The following MADD variants were observed in gnomAD, a reference collection of about 807,000 sequenced individuals.
The protein encoded by MADD is MAP kinase activating death domain.
Under a neutral mutation model 176.7 loss-of-function variants are expected in MADD, and 109 were observed. The ratio of observed to expected loss-of-function variants is 0.62; its 90% confidence interval spans 0.53 to 0.72. The LOEUF is 0.72. Ranked by LOEUF, MADD falls within the 30% of genes least tolerant of loss-of-function variation. MADD has a pLI of 0.00. For synonymous variants in MADD, 771 were observed against 771.3 expected (o/e 1.00, Z 0.01); for missense variants, 1,914 against 2,045.5 (o/e 0.94, Z 1.24).
At chr11:47,324,126 A>G (rs562253977) in intron 28 of MADD, 139 bp from the exon 32 acceptor site, 64 of 731,194 alleles carry the variant, frequency 8.8e-5, no homozygotes, top group Admixed American at 7.2e-4. Context: ...AACAATGAAT[A>G]AGACATCCGA....
At chr11:47,299,276 A>C (rs1320467024) in intron 22 of MADD, among the ~76,000 whole-genome samples, 1 of 152,042 alleles carries the variant, frequency 6.6e-6, no homozygotes, top group Admixed American at 6.6e-5. Context: ...TCATTTTCAC[A>C]ATATTCGTCC....
chr11:47,279,217 A>G lies in MADD; in HGVS notation c.1290+138A>G. On this transcript the variant is annotated intron_variant, in intron 7 of 32. Transcript: ENST00000402192. ...CTTCACCCTGGATGGGCTTAAGAAA[A>G]CGCGTATCCCATTTCTGGGTGGCAG... 3 of 711,360 alleles carry G rather than the reference A, an allele frequency of 4.2e-6. No individual in the cohort carries two copies. The South Asian group carries it at 5.2e-5, about 12-fold the overall frequency. 44.1% of individuals were successfully genotyped at this position (711,360 alleles called of 1,614,324 possible).
chr11:47,316,037 C>T (rs1049353454), intron 27 of MADD, among the ~76,000 whole-genome samples: 1 of 148,178 alleles, frequency 6.7e-6, no homozygotes, highest in African/African-American at 2.5e-5. Flanking sequence ...TCACCATGTT[C>T]GTTGGCCAGG....
intron 22 of MADD, among the ~76,000 whole-genome samples, chr11:47,305,981 C>G (rs1180076508): frequency 6.6e-6 from 1 of 152,162 alleles, no homozygotes; most frequent in Non-Finnish European, 1.5e-5. Context: ...TTCTGGGTGA[C>G]CCAGGCACAG....
intron 14 of MADD, 50 bp from the exon 15 acceptor site, chr11:47,286,383 T>G: frequency 8.1e-7 from 1 of 1,233,996 alleles, no homozygotes; most frequent in South Asian, 1.2e-5. Context: ...GTCTACTGCT[T>G]TGATTACTTA....
intron 3 of MADD, among the ~76,000 whole-genome samples, chr11:47,275,571 G>A (rs931851899): frequency 4.1e-4 from 62 of 152,236 alleles, no homozygotes; most frequent in African/African-American, 1.4e-3. Flanking sequence ...GATTATAGGC[G>A]TGAGCATCAT....
intron 22 of MADD, among the ~76,000 whole-genome samples, chr11:47,304,050 G>C (rs1183960868): frequency 6.6e-6 from 1 of 151,880 alleles, no homozygotes; most frequent in African/African-American, 2.4e-5. Flanking sequence ...TTCTCTCTTT[G>C]GAAATCCAAT....
In MADD at chr11:47,277,587, G is replaced by A. The variant is rs578238070; in HGVS notation, c.1096-578G>A. Among the ~76,000 whole-genome samples the A allele has an allele frequency of 1.1e-3, 171 of 152,320 alleles. 1 individual carries two copies. The highest frequency in any genetic ancestry group is 3.9e-3 in the African/African-American group (161 of 41,574). ...GCTGGGATTACAGGCATGAGCCACC[G>A]TGCCCAGCCTCTTTCTACATATATT... On this transcript the variant is annotated intron_variant, in intron 5 of 32. Coordinates refer to ENST00000402192, the Ensembl canonical transcript of MADD.
chr11:47,328,593 G>A (rs1595767926), intron 31 of MADD, 65 bp from the exon 36 acceptor site: 2 of 1,610,424 alleles, frequency 1.2e-6, no homozygotes, highest in East Asian at 4.5e-5. Context: ...GCCGCCTGGG[G>A]GAGCATGGCA....
chr11:47,284,278 C>T, exon 11 of MADD: 1 of 1,613,764 alleles, frequency 6.2e-7, no homozygotes, highest in South Asian at 1.1e-5. Flanking sequence ...TGGTGATACT[C>T]CCAGTAAGTG....
Position 47,274,620 on chromosome 11 carries a change from G to GGA in MADD, c.122_123dup (p.Asp42ArgfsTer12), listed in dbSNP as rs778614474. The GGA allele has an allele frequency of 6.8e-6, 11 of 1,614,094 alleles. No homozygotes were observed. On this transcript the variant is annotated frameshift_variant, in exon 3 of 33. Transcript: ENST00000402192. LOFTEE classifies it high-confidence loss of function. The stretch of plus-strand genomic sequence containing the variant: ...CTGAATTGCTACGGCGATACCCCTT[G>GGA]GAGGATCACACTGAGTTTCCCCTGC...
chr11:47,321,597 G>GT (rs2094487677), intron 27 of MADD, among the ~76,000 whole-genome samples: 1 of 152,192 alleles, frequency 6.6e-6, no homozygotes, highest in African/African-American at 2.4e-5. Flanking sequence ...GAAGCTCAGG[G>GT]GGGGCAGAAT....
At chr11:47,282,743 C>G (rs2057854861) in intron 9 of MADD, 70 bp from the exon 10 acceptor site, 2 of 1,597,274 alleles carry the variant, frequency 1.3e-6, no homozygotes, top group Admixed American at 3.4e-5. Context: ...TTTTTCCTGC[C>G]TTTCTTTCAG....
At chr11:47,313,828 C>T (rs555065087) in intron 26 of MADD, among the ~76,000 whole-genome samples, 3 of 151,706 alleles carry the variant, frequency 2.0e-5, no homozygotes, top group Non-Finnish European at 2.9e-5. Context: ...GGCGCGATCT[C>T]GGCTCACTAC....
At chr11:47,324,406 C>T (rs2095122764) in intron 29 of MADD, 65 bp from the exon 33 acceptor site, 12 of 1,599,768 alleles carry the variant, frequency 7.5e-6, no homozygotes, top group Non-Finnish European at 1.0e-5. Flanking sequence ...AGGGGCCTGG[C>T]AGGGAAGTCA....
In MADD at chr11:47,303,239, G is replaced by GTTTTT. The variant is rs35658298; in HGVS notation, c.3643-5336_3643-5332dup. 1.0e-4 allele frequency among the ~76,000 whole-genome samples: 11 copies of GTTTTT among 108,134 alleles called. 2 individuals are homozygous for GTTTTT. The highest frequency in any genetic ancestry group is 1.4e-4 in the Non-Finnish European group (8 of 56,000). 70.9% of individuals were successfully genotyped at this position (108,134 alleles called of 152,430 possible). ...TGTGACTTAACACTTTTCTCTTGCT[G>GTTTTT]TTTTTTTTTTTTTTTTTTTTGAGAC... On this transcript the variant is annotated intron_variant, in intron 22 of 32. Transcript: ENST00000402192.
chr11:47,275,018 C>T (rs777952251), exon 3 of MADD: 7 of 1,614,158 alleles, frequency 4.3e-6, no homozygotes, highest in Non-Finnish European at 5.9e-6. Context: ...CGCAACAGTA[C>T]TCTCACGTCC....
At chr11:47,270,402 AGGGGCG>A (rs1959365765) in intron 1 of MADD, among the ~76,000 whole-genome samples, 156 bp downstream of exon 1, 1 of 31,912 alleles carries the variant, frequency 3.1e-5, no homozygotes, top group Non-Finnish European at 6.8e-5. Flanking sequence ...TCTGCCGAGG[AGGGGCG>A]GGGACGGGGA....
At chr11:47,294,825 T>C (rs1283007484) in intron 20 of MADD, among the ~76,000 whole-genome samples, 2 of 152,152 alleles carry the variant, frequency 1.3e-5, no homozygotes, top group African/African-American at 4.8e-5. Context: ...TGGGAAACTG[T>C]TTAACAAAGC....
Sources: gnomAD v4.1 joint callset for allele counts (sites outside exome capture counted in the v4.1 genomes callset) on GRCh38, gnomAD v4.1.1 for gene constraint, MANE v1.5 for transcripts, NCBI Gene and HGNC (gene_info 2026-07-23, HGNC 2026-07-21) for gene names.